The following TMED5 variants were observed in gnomAD, a reference collection of about 807,000 sequenced individuals.
TMED5 encodes transmembrane emp24 domain-containing protein 5.
TMED5 carries 27 observed loss-of-function variants against 23.0 expected under a neutral mutation model. That is an observed-to-expected ratio of 1.17 (90% CI 0.86 to 1.62). The LOEUF is 1.62. Among genes scored for constraint, TMED5 ranks in the 40% most tolerant of loss-of-function variants. The pLI is 0.00. For missense variants in TMED5, 248 were observed against 273.7 expected, an observed-to-expected ratio of 0.91 and a Z score of 0.66; for synonymous variants, 97 against 100.8, an observed-to-expected ratio of 0.96 and a Z score of 0.23.
chr1:93,159,436 G>A (rs1648192241), intron 2 of TMED5, among the ~76,000 whole-genome samples: 1 of 151,922 alleles, frequency 6.6e-6, no homozygotes, highest in Non-Finnish European at 1.5e-5. Context: ...CAGACTCACA[G>A]TTTAAACATA....
At chr1:93,179,996 G>A (rs1163052531) in intron 1 of TMED5, 58 bp downstream of exon 1, 17 of 1,532,616 alleles carry the variant, frequency 1.1e-5, no homozygotes, top group South Asian at 1.2e-5. Flanking sequence ...CGGGTGAGAG[G>A]CGACAACGCA....
intron 1 of TMED5, 154 bp downstream of exon 1, chr1:93,179,900 G>T (rs192255538): frequency 2.3e-5 from 17 of 747,504 alleles, no homozygotes; most frequent in Admixed American, 3.7e-5. Context: ...GCCTCGCCTC[G>T]CCTCGCGCGC....
intron 1 of TMED5, among the ~76,000 whole-genome samples, chr1:93,175,053 T>C (rs1035367690): frequency 2.7e-5 from 4 of 145,666 alleles, no homozygotes; most frequent in Non-Finnish European, 6.0e-5. Context: ...AAAAAAAAAG[T>C]ATATATACAC....
intron 1 of TMED5, chr1:93,161,512 G>A (rs369913703): frequency 3.3e-5 from 5 of 151,844 alleles, no homozygotes; most frequent in Non-Finnish European, 7.4e-5. Context: ...TCCATTAGTG[G>A]AACACTAAGC....
At position 93,156,377 on chromosome 1, in the gene TMED5, G is replaced by A; in HGVS notation, c.394C>T (p.Gln132Ter). 6.2e-7 allele frequency: 1 copy of A among 1,613,700 alleles called. No homozygotes were observed. Among genetic ancestry groups the A allele is most frequent in the Non-Finnish European group, 8.5e-7 (1 of 1,179,804 alleles). The change falls in exon 3 of 4, where the codon CAG becomes TAG. Residue 132 changes from glutamine (Q) to a stop codon, truncating the protein, a stop_gained. Transcript: ENST00000370282. LOFTEE classifies it high-confidence loss of function. ...FELILDNMGE[Q>*]AQEQEDWKKY... ...TTCCAATCTTCTTGTTCTTGTGCCT[G>A]TTCTCCCATATTATCCAGGATTAAT...
chr1:93,164,989 C>T (rs554650540), intron 1 of TMED5, among the ~76,000 whole-genome samples: 22 of 152,190 alleles, frequency 1.4e-4, no homozygotes, highest in Admixed American at 1.3e-3. Context: ...TTGTAAAATG[C>T]GTTACAGAGA....
At chr1:93,179,912 T>C in intron 1 of TMED5, 142 bp downstream of exon 1, 1 of 889,304 alleles carries the variant, frequency 1.1e-6, no homozygotes, top group Non-Finnish European at 1.6e-6. Context: ...CTCGCGCGCC[T>C]GCGCGGAGCG....
At chr1:93,158,122 C>CA (rs755186139) in intron 2 of TMED5, among the ~76,000 whole-genome samples, 17,924 of 67,598 alleles carry the variant, frequency 0.27, 2,057 homozygotes, top group African/African-American at 0.39. Flanking sequence ...GACTCCGTCT[C>CA]AAAAAAAAAA....
intron 1 of TMED5, among the ~76,000 whole-genome samples, chr1:93,164,255 A>G (rs867669565): frequency 2.0e-5 from 3 of 152,038 alleles, no homozygotes; most frequent in South Asian, 2.1e-4. Flanking sequence ...AAGGGCAAAG[A>G]AAAAAAAGAC....
rs1647836550 is a variant in TMED5, at chr1:93,150,536, C to T, written c.*4134G>A. 6.6e-6 allele frequency: 1 copy of T among 152,158 alleles called. No homozygotes were observed. The highest frequency in any genetic ancestry group is 2.1e-4 in the South Asian group (1 of 4,834). The allele number at this position is 152,158 out of a possible 1,614,324, so 9.4% of individuals were successfully genotyped here. ...ATAAGAAACTGCCAAGAATATTTTC[C>T]ACAGTGGCTCTACTATTTCATATCT... is the stretch of plus-strand genomic sequence containing the variant. On this transcript the variant is annotated 3_prime_UTR_variant, in exon 4 of 4. Transcript: ENST00000370282.
intron 1 of TMED5, among the ~76,000 whole-genome samples, chr1:93,163,793 T>C (rs896255447): frequency 1.3e-5 from 2 of 151,130 alleles, no homozygotes; most frequent in Non-Finnish European, 3.0e-5. Context: ...CTGGGCAAGA[T>C]GGTGAAACCC....
In TMED5 at chr1:93,167,517, T is replaced by C. The variant is rs990010503; in HGVS notation, c.190-7291A>G. 5.9e-5 allele frequency among the ~76,000 whole-genome samples: 9 copies of C among 152,344 alleles called. No individual in the cohort carries two copies. In the East Asian group the frequency reaches 1.7e-3, roughly 29 times the overall value. On this transcript the variant is annotated intron_variant, in intron 1 of 3. Transcript: ENST00000370282. ...CTTTTTTAATTTTACTTGTGGCTAC[T>C]GTAAATGAGATTACTTTTTAAATGT... is the stretch of plus-strand genomic sequence containing the variant.
chr1:93,174,284 A>G (rs1351778556), intron 1 of TMED5, among the ~76,000 whole-genome samples: 2 of 151,890 alleles, frequency 1.3e-5, no homozygotes, highest in African/African-American at 2.4e-5. Context: ...TTGCTTTTAC[A>G]TCTTTGTATT....
At chr1:93,173,943 A>C (rs564663477) in intron 1 of TMED5, among the ~76,000 whole-genome samples, 1 of 151,980 alleles carries the variant, frequency 6.6e-6, no homozygotes, top group Non-Finnish European at 1.5e-5. Flanking sequence ...CATTCAATAG[A>C]GTTACAAAGA....
In TMED5 at chr1:93,154,608, TG is replaced by T; in HGVS notation, c.*61del. The T allele has an allele frequency of 8.6e-7, 1 of 1,168,380 alleles. No homozygotes were observed. The highest frequency in any genetic ancestry group is 1.3e-6 in the Non-Finnish European group (1 of 799,052). 72.4% of individuals were successfully genotyped at this position (1,168,380 alleles called of 1,614,324 possible). On this transcript the variant is annotated 3_prime_UTR_variant, in exon 4 of 4. Coordinates refer to ENST00000370282, the MANE Select transcript of TMED5 (RefSeq NM_016040.5). ...GGAGAAGACCATTAATGGTCTTGAC[TG>T]TAACAGTTTATTGCATTTTTATGCC...
At chr1:93,170,476 A>C (rs1203125234) in intron 1 of TMED5, among the ~76,000 whole-genome samples, 1 of 152,176 alleles carries the variant, frequency 6.6e-6, no homozygotes, top group East Asian at 1.9e-4. Context: ...AGGGCTTGGG[A>C]CCTGCAGCCC....
chr1:93,156,202 C>G (rs544456224), intron 3 of TMED5, 98 bp downstream of exon 3: 1 of 1,230,388 alleles, frequency 8.1e-7, no homozygotes, highest in South Asian at 1.4e-5. Flanking sequence ...ACAGATTTTC[C>G]TGGATAATGC....
At chr1:93,166,911 C>T (rs902590619) in intron 1 of TMED5, among the ~76,000 whole-genome samples, 1 of 152,134 alleles carries the variant, frequency 6.6e-6, no homozygotes, top group Admixed American at 6.5e-5. Context: ...AGATTTAAGT[C>T]TTTAATCCAT....
rs1239684973 is a variant in TMED5 at position 93,167,500 on chromosome 1, A to G, written c.190-7274T>C. Among the ~76,000 whole-genome samples, 5 of 152,006 alleles carry G rather than the reference A, an allele frequency of 3.3e-5. No individual in the cohort carries two copies. The East Asian group carries it at 7.7e-4, about 24-fold the overall frequency. On this transcript the variant is annotated intron_variant, in intron 1 of 3. Transcript: ENST00000370282. ...CATTTTTTCGGCTAATTCTTTTTTA[A>G]TTTTACTTGTGGCTACTGTAAATGA...
Sources: gnomAD v4.1 joint callset for allele counts (sites outside exome capture counted in the v4.1 genomes callset) on GRCh38, gnomAD v4.1.1 for gene constraint, MANE v1.5 for transcripts, NCBI Gene and HGNC (gene_info 2026-07-23, HGNC 2026-07-21) for gene names.